LGR5: variants seen among roughly 807,000 people sequenced by gnomAD.
LGR5 encodes the protein leucine rich repeat containing G protein-coupled receptor 5.
Under a neutral mutation model 76.7 loss-of-function variants are expected in LGR5, and 54 were observed. The observed-to-expected ratio is 0.70, with a 90% CI of 0.57 to 0.88. The LOEUF is 0.88. LGR5 is among the 40% of genes least tolerant of loss of function. LGR5 has a pLI of 0.00. For synonymous variants in LGR5, 406 were observed against 421.9 expected (o/e 0.96, Z 0.46); for missense variants, 1,078 against 1,073.3 (o/e 1.00, Z -0.06).
At chr12:71,565,422 CTA>C (rs1209363296) in intron 8 of LGR5, among the ~76,000 whole-genome samples, 789 of 13,958 alleles carry the variant, frequency 0.057, 13 homozygotes, top group African/African-American at 0.07. Context: ...ATCAATTGAG[CTA>C]TATATATATA....
chr12:71,502,432 G>C (rs7305329), intron 1 of LGR5, among the ~76,000 whole-genome samples: 2 of 151,634 alleles, frequency 1.3e-5, no homozygotes, highest in East Asian at 3.9e-4. Context: ...TCCTGACCTC[G>C]GGTGACCCAC....
At chr12:71,490,036 G>A (rs1263713066) in intron 1 of LGR5, among the ~76,000 whole-genome samples, 1 of 151,988 alleles carries the variant, frequency 6.6e-6, no homozygotes, top group Non-Finnish European at 1.5e-5. Context: ...AGGCTGAGGT[G>A]GGAGCATCAC....
chr12:71,559,093 G>A (rs1041198621), intron 6 of LGR5, among the ~76,000 whole-genome samples: 4 of 152,154 alleles, frequency 2.6e-5, no homozygotes, highest in African/African-American at 9.7e-5. Context: ...CAGGCTAGGA[G>A]GGATGTGGGA....
At chr12:71,574,638 C>A (rs1441686101) in intron 13 of LGR5, among the ~76,000 whole-genome samples, 1 of 152,124 alleles carries the variant, frequency 6.6e-6, no homozygotes, top group Non-Finnish European at 1.5e-5. Context: ...CAAGATCAGA[C>A]CAAACTTCCC....
At chr12:71,490,371 C>G (rs1874014386) in intron 1 of LGR5, among the ~76,000 whole-genome samples, 1 of 152,116 alleles carries the variant, frequency 6.6e-6, no homozygotes, top group Non-Finnish European at 1.5e-5. Flanking sequence ...AATAGAATCT[C>G]CCATAAATCA....
At chr12:71,472,298 A>G (rs1873136602) in intron 1 of LGR5, among the ~76,000 whole-genome samples, 1 of 152,348 alleles carries the variant, frequency 6.6e-6, no homozygotes, top group African/African-American at 2.4e-5. Flanking sequence ...ATGCCATTTA[A>G]ACCTTAGAAT....
chr12:71,462,296 T>C (rs1034156679), intron 1 of LGR5, among the ~76,000 whole-genome samples: 2 of 152,164 alleles, frequency 1.3e-5, no homozygotes, highest in African/African-American at 4.8e-5. Context: ...CTCTGTCAAC[T>C]AGGCCTCTGA....
chr12:71,520,915 T>C (rs1429126715), intron 2 of LGR5, among the ~76,000 whole-genome samples: 1 of 151,612 alleles, frequency 6.6e-6, no homozygotes, highest in Non-Finnish European at 1.5e-5. Flanking sequence ...AGGAAAATTT[T>C]AAAAATGCTA....
chr12:71,515,641 C>T (rs1174892817), intron 2 of LGR5, among the ~76,000 whole-genome samples: 10 of 152,084 alleles, frequency 6.6e-5, no homozygotes, highest in Non-Finnish European at 7.4e-5. Context: ...AGAGGGAAAA[C>T]TATTACCATT....
intron 4 of LGR5, among the ~76,000 whole-genome samples, chr12:71,547,979 AC>A (rs34615307): frequency 0.15 from 21,966 of 151,252 alleles, 2,290 homozygotes; most frequent in East Asian, 0.57. Flanking sequence ...TATGTAACAG[AC>A]CCCCCCCAAA....
At chr12:71,548,539 T>C (rs1565743827) in intron 4 of LGR5, among the ~76,000 whole-genome samples, 1 of 152,188 alleles carries the variant, frequency 6.6e-6, no homozygotes, top group Non-Finnish European at 1.5e-5. Context: ...TTTATTTTTC[T>C]GAATGGTTTC....
At chr12:71,541,459 G>T (rs1447660732) in intron 4 of LGR5, among the ~76,000 whole-genome samples, 1 of 152,190 alleles carries the variant, frequency 6.6e-6, no homozygotes, top group Non-Finnish European at 1.5e-5. Flanking sequence ...TTGGAAAGTA[G>T]ATTGAACTCT....
In LGR5 at chr12:71,584,167, G is replaced by A. The variant is rs751865541; in HGVS notation, c.2157G>A (p.Glu719=). 3.1e-6 allele frequency: 5 copies of A among 1,614,188 alleles called. 1 individual carries two copies. The African/African-American group carries it at 4.0e-5, about 13-fold the overall frequency. The part of the protein sequence containing the change: ...SPLCLPLPFG[E]PSTMGYMVAL... The stretch of plus-strand genomic sequence containing the variant: ...TCTGCCTGCCTTTGCCTTTTGGGGA[G>A]CCCAGCACCATGGGCTACATGGTCG... The change falls in exon 18 of 18, where the codon GAG becomes GAA. Residue 719 remains glutamate (E), a synonymous_variant. Transcript: ENST00000266674.
intron 1 of LGR5, among the ~76,000 whole-genome samples, chr12:71,461,787 C>T (rs1872695133): frequency 6.6e-6 from 1 of 152,124 alleles, no homozygotes. Context: ...TTAAATGCCA[C>T]CAATGACCTC....
At position 71,445,921 on chromosome 12, in the gene LGR5, G is replaced by A. The variant is rs190316845; in HGVS notation, c.212+5629G>A. 4.1e-3 allele frequency among the ~76,000 whole-genome samples: 620 copies of A among 152,238 alleles called. 7 individuals carry two copies. The highest frequency in any genetic ancestry group is 0.014 in the African/African-American group (592 of 41,522). ...GAGATTTACTTGGAGAGTATGCAAA[G>A]GAACCAACTCCTGACCGTGTAAACA... On this transcript the variant is annotated intron_variant, in intron 1 of 17. Transcript: ENST00000266674.
intron 4 of LGR5, among the ~76,000 whole-genome samples, chr12:71,548,549 C>A (rs926290180): frequency 6.6e-6 from 1 of 152,030 alleles, no homozygotes; most frequent in South Asian, 2.1e-4. Flanking sequence ...TGAATGGTTT[C>A]AATGGTCAAA....
Position 71,440,426 on chromosome 12 carries a change from C to T in LGR5, c.212+134C>T, listed in dbSNP as rs1871711798. The stretch of plus-strand genomic sequence containing the variant: ...GGCGAGTTTGTCAAGGGCATCCTGG[C>T]CAGGCCTGTTAGGGCCCCCAGAGAA... On this transcript the variant is annotated intron_variant, in intron 1 of 17. Transcript: ENST00000266674. This position sits in a 1 kb window ranked among gnomAD's most constrained non-coding sequence, Gnocchi z 5.3. The T allele has an allele frequency of 3.7e-6, 3 of 817,126 alleles. No individual in the cohort carries two copies. The highest frequency in any genetic ancestry group is 3.4e-4 in the Middle Eastern group (1 of 2,936). 50.6% of individuals were successfully genotyped at this position (817,126 alleles called of 1,614,324 possible). A position where few individuals can be genotyped will look rare whatever the true frequency, so the allele number is the denominator to read the frequency against.
rs548570387 is a variant in LGR5 at position 71,570,102 on chromosome 12, A to G, written c.1071-1412A>G. ...AGTTCTCACTTGCAAGTGGGAGCTG[A>G]GCAATGAGAACACATGGACACAGGG... is the stretch of plus-strand genomic sequence containing the variant. On this transcript the variant is annotated intron_variant, in intron 11 of 17. Transcript: ENST00000266674. 6.6e-5 allele frequency among the ~76,000 whole-genome samples: 10 copies of G among 152,194 alleles called. No individual in the cohort carries two copies. The East Asian group carries it at 1.2e-3, about 18-fold the overall frequency.
intron 4 of LGR5, among the ~76,000 whole-genome samples, chr12:71,546,099 G>A (rs1028224966): frequency 3.3e-5 from 5 of 152,104 alleles, no homozygotes; most frequent in Non-Finnish European, 7.4e-5. Flanking sequence ...GATCACCTGA[G>A]GTCAGGAGTT....
Sources: allele counts gnomAD v4.1 joint callset (sites outside exome capture counted in the v4.1 genomes callset), GRCh38; gene constraint gnomAD v4.1.1; non-coding constraint Gnocchi (gnomAD v3.1); transcripts MANE v1.5; gene names NCBI Gene and HGNC (gene_info 2026-07-23, HGNC 2026-07-21).